Variants in MCC observed in about 807,000 individuals in gnomAD.
MCC encodes the protein colorectal mutant cancer protein.
In MCC, 90 loss-of-function variants were observed where a neutral mutation model predicts 116.2. The observed-to-expected ratio is 0.77, with a 90% CI of 0.65 to 0.92. MCC has a LOEUF of 0.92. Among genes scored for constraint, MCC ranks in the 40% least tolerant of loss-of-function variants. The probability of loss-of-function intolerance (pLI) is 0.00; values close to 1 mark genes in which losing one functional copy is unlikely to be tolerated. For synonymous variants in MCC, 578 were observed against 510.5 expected (o/e 1.13, Z -1.78); for missense variants, 1,516 against 1,312.2 (o/e 1.16, Z -2.40).
intron 5 of MCC, among the ~76,000 whole-genome samples, chr5:113,124,016 G>A (rs560285207): frequency 2.0e-5 from 3 of 152,270 alleles, no homozygotes; most frequent in Admixed American, 6.5e-5. Flanking sequence ...GAAATGTGAA[G>A]AACAGAAATC....
At chr5:113,220,772 G>T (rs1763522663) in intron 3 of MCC, among the ~76,000 whole-genome samples, 1 of 152,174 alleles carries the variant, frequency 6.6e-6, no homozygotes, top group South Asian at 2.1e-4. Context: ...TTTGAATAAA[G>T]AAATTTTTAC....
At chr5:113,401,393 T>C (rs1769682911) in intron 1 of MCC, among the ~76,000 whole-genome samples, 1 of 152,166 alleles carries the variant, frequency 6.6e-6, no homozygotes, top group African/African-American at 2.4e-5. Flanking sequence ...TGCTACTCAA[T>C]AGAATAACCA....
intron 3 of MCC, among the ~76,000 whole-genome samples, chr5:113,216,114 T>C (rs1207769719): frequency 2.0e-5 from 3 of 152,216 alleles, no homozygotes; most frequent in Non-Finnish European, 2.9e-5. Context: ...GCCCCCTTTA[T>C]TTACATAGTG....
At chr5:113,167,193 C>A (rs1019688588) in intron 3 of MCC, among the ~76,000 whole-genome samples, 6 of 152,160 alleles carry the variant, frequency 3.9e-5, no homozygotes, top group African/African-American at 1.2e-4. Flanking sequence ...TTATGGAGGG[C>A]ATTTCTTTTC....
chr5:113,409,798 C>A (rs1769930675), intron 1 of MCC, among the ~76,000 whole-genome samples: 1 of 152,176 alleles, frequency 6.6e-6, no homozygotes, highest in Non-Finnish European at 1.5e-5. Flanking sequence ...ATAGTGAGGA[C>A]AAGGATATTT....
intron 3 of MCC, among the ~76,000 whole-genome samples, chr5:113,226,078 AG>A (rs1283121646): frequency 6.6e-6 from 1 of 152,232 alleles, no homozygotes; most frequent in Admixed American, 6.5e-5. Context: ...CAGGGGGCTG[AG>A]GCTGGAGAAT....
chr5:113,437,834 T>TG (rs1266699980), intron 1 of MCC, among the ~76,000 whole-genome samples: 8 of 152,176 alleles, frequency 5.3e-5, no homozygotes, highest in African/African-American at 1.9e-4. Context: ...TGGTTGCTCT[T>TG]GGGTAGAGTG....
At chr5:113,487,197 T>A (rs1772555603) in intron 1 of MCC, among the ~76,000 whole-genome samples, 1 of 141,474 alleles carries the variant, frequency 7.1e-6, no homozygotes, top group African/African-American at 2.6e-5. Flanking sequence ...CTTTGCTTTC[T>A]TTTTTTTTTT....
intron 1 of MCC, among the ~76,000 whole-genome samples, chr5:113,470,084 T>C (rs1271898453): frequency 2.0e-5 from 3 of 152,156 alleles, no homozygotes; most frequent in African/African-American, 4.8e-5. Context: ...TCTCTGCACA[T>C]GAGATGGGTT....
intron 12 of MCC, among the ~76,000 whole-genome samples, chr5:113,069,952 G>T (rs1040112469): frequency 5.3e-5 from 8 of 152,330 alleles, no homozygotes; most frequent in African/African-American, 9.6e-5. Flanking sequence ...GCTAGCCCTA[G>T]GTGATACCAG....
chr5:113,023,645 A>C lies in MCC; in HGVS notation c.*3657T>G, dbSNP rs970878027. 2.6e-5 allele frequency: 4 copies of C among 152,242 alleles called. No homozygotes were observed. The highest frequency in any genetic ancestry group is 4.4e-5 in the Non-Finnish European group (3 of 68,040). The allele number at this position is 152,242 out of a possible 1,614,324, so 9.4% of individuals were successfully genotyped here. On this transcript the variant is annotated 3_prime_UTR_variant, in exon 19 of 19. Transcript: ENST00000408903. ...AATCTAGAAGTAGGTAGAGCTGTAA[A>C]TAGTTTAATAGAATGATTGGGACAT...
At chr5:113,067,293 A>T (rs1753684599) in intron 13 of MCC, among the ~76,000 whole-genome samples, 1 of 152,144 alleles carries the variant, frequency 6.6e-6, no homozygotes, top group South Asian at 2.1e-4. Context: ...GCAGGGGGTG[A>T]AACTACTTCT....
At chr5:113,440,120 A>T (rs562747378) in intron 1 of MCC, among the ~76,000 whole-genome samples, 2 of 151,984 alleles carry the variant, frequency 1.3e-5, no homozygotes, top group African/African-American at 2.4e-5. Context: ...GCATACCCTC[A>T]TCTCTTCTCA....
chr5:113,029,506 A>G (rs1005334106), intron 17 of MCC, among the ~76,000 whole-genome samples: 1 of 151,954 alleles, frequency 6.6e-6, no homozygotes, highest in African/African-American at 2.4e-5. Context: ...ATTGAGACCA[A>G]CATGATCCCA....
chr5:113,149,217 T>C (rs1759700452), intron 4 of MCC, among the ~76,000 whole-genome samples: 1 of 151,646 alleles, frequency 6.6e-6, no homozygotes. Context: ...TGTTTTTAAA[T>C]ATAAAAATAA....
At chr5:113,066,389 A>T (rs1753606048) in intron 13 of MCC, among the ~76,000 whole-genome samples, 1 of 152,220 alleles carries the variant, frequency 6.6e-6, no homozygotes, top group Admixed American at 6.5e-5. Flanking sequence ...CATATGAGAA[A>T]TAAAGTTTTA....
intron 1 of MCC, among the ~76,000 whole-genome samples, chr5:113,439,947 C>T (rs1770985036): frequency 1.3e-5 from 2 of 152,134 alleles, no homozygotes; most frequent in South Asian, 4.1e-4. Flanking sequence ...TCACTATAGC[C>T]TCAACCTCCT....
intron 3 of MCC, among the ~76,000 whole-genome samples, chr5:113,182,635 G>A (rs184713541): frequency 1.3e-5 from 2 of 152,076 alleles, no homozygotes; most frequent in Admixed American, 1.3e-4. Context: ...GCTACATGAA[G>A]ATACTCACAG....
chr5:113,200,457 G>C (rs1406173403), intron 3 of MCC, among the ~76,000 whole-genome samples: 1 of 152,146 alleles, frequency 6.6e-6, no homozygotes, highest in Non-Finnish European at 1.5e-5. Flanking sequence ...TCCCCTTCCT[G>C]TTAGAAAGCA....
Sources: gnomAD v4.1 joint callset for allele counts (sites outside exome capture counted in the v4.1 genomes callset) on GRCh38, gnomAD v4.1.1 for gene constraint, MANE v1.5 for transcripts, NCBI Gene and HGNC (gene_info 2026-07-23, HGNC 2026-07-21) for gene names.